The following FHIP1A variants were observed in gnomAD, a reference collection of about 807,000 sequenced individuals.
The protein encoded by FHIP1A is FHF complex subunit HOOK interacting protein 1A.
In FHIP1A, 61 loss-of-function variants were observed where a neutral mutation model predicts 88.6. The ratio of observed to expected loss-of-function variants is 0.69; its 90% CI spans 0.56 to 0.85. The LOEUF (loss-of-function observed/expected upper bound fraction) is 0.85. FHIP1A is among the 40% of genes least tolerant of loss of function. The pLI, the probability that FHIP1A is intolerant of heterozygous loss-of-function variation, is 0.00. For synonymous variants in FHIP1A, 478 were observed against 496.0 expected (o/e 0.96, Z 0.48); for missense variants, 1,154 against 1,273.5 (o/e 0.91, Z 1.43).
chr4:151,627,164 G>C (rs1024795734), intron 7 of FHIP1A, among the ~76,000 whole-genome samples: 1 of 152,174 alleles, frequency 6.6e-6, no homozygotes, highest in Non-Finnish European at 1.5e-5. Flanking sequence ...ATGCTTAATG[G>C]ACTTGGGTTT....
chr4:151,565,634 C>T (rs1333066657), intron 3 of FHIP1A, among the ~76,000 whole-genome samples: 1 of 152,038 alleles, frequency 6.6e-6, no homozygotes, highest in African/African-American at 2.4e-5. Flanking sequence ...TAACACCTCC[C>T]CCAAGTTGCA....
chr4:151,444,007 C>T (rs1356586284), intron 1 of FHIP1A, among the ~76,000 whole-genome samples: 1 of 149,266 alleles, frequency 6.7e-6, no homozygotes, highest in East Asian at 1.9e-4. Context: ...ATCCTCTCCC[C>T]ACTCTGTGAT....
chr4:151,613,867 A>G (rs1735415663), intron 7 of FHIP1A, among the ~76,000 whole-genome samples: 2 of 152,202 alleles, frequency 1.3e-5, no homozygotes, highest in African/African-American at 4.8e-5. Flanking sequence ...AGATATTCTT[A>G]AAAATGTTTT....
intron 3 of FHIP1A, among the ~76,000 whole-genome samples, chr4:151,520,544 G>C (rs1169235255): frequency 1.3e-5 from 2 of 152,162 alleles, no homozygotes; most frequent in African/African-American, 2.4e-5. Flanking sequence ...AAACTGTACT[G>C]TGATGTATAT....
chr4:151,659,787 T>A (rs1227340573), intron 13 of FHIP1A, among the ~76,000 whole-genome samples: 1 of 152,198 alleles, frequency 6.6e-6, no homozygotes, highest in African/African-American at 2.4e-5. Context: ...GCAGCCCCGA[T>A]GAAAAACGAG....
At chr4:151,606,146 C>G (rs974458565) in intron 7 of FHIP1A, among the ~76,000 whole-genome samples, 1 of 152,146 alleles carries the variant, frequency 6.6e-6, no homozygotes, top group African/African-American at 2.4e-5. Context: ...TTCTCCTGTC[C>G]GTTCTTCCTC....
intron 1 of FHIP1A, among the ~76,000 whole-genome samples, chr4:151,435,715 G>C (rs990430328): frequency 5.9e-5 from 9 of 151,786 alleles, no homozygotes; most frequent in Non-Finnish European, 1.0e-4. Context: ...AACCCAGGAG[G>C]CTGAGGTTAC....
intron 1 of FHIP1A, among the ~76,000 whole-genome samples, chr4:151,410,961 G>T (rs901932362): frequency 2.6e-5 from 4 of 152,220 alleles, no homozygotes; most frequent in Admixed American, 2.6e-4. Flanking sequence ...AGGGTGGCTG[G>T]AAAGGGGCAG....
intron 3 of FHIP1A, among the ~76,000 whole-genome samples, chr4:151,494,005 A>C (rs1336461071): frequency 2.6e-5 from 4 of 152,250 alleles, no homozygotes; most frequent in African/African-American, 9.6e-5. Context: ...AATAAAGGGC[A>C]TCCAAATTGG....
intron 3 of FHIP1A, among the ~76,000 whole-genome samples, chr4:151,549,830 A>G (rs996095332): frequency 1.3e-5 from 2 of 152,144 alleles, no homozygotes; most frequent in East Asian, 1.9e-4. Context: ...TACATGTAGT[A>G]TGGGACACAT....
At chr4:151,552,286 G>T (rs942311707) in intron 3 of FHIP1A, among the ~76,000 whole-genome samples, 1 of 152,174 alleles carries the variant, frequency 6.6e-6, no homozygotes, top group Non-Finnish European at 1.5e-5. Context: ...CAGGGATCTA[G>T]AACTAGAAAT....
intron 7 of FHIP1A, among the ~76,000 whole-genome samples, chr4:151,595,401 T>C (rs1734608252): frequency 6.6e-6 from 1 of 152,200 alleles, no homozygotes; most frequent in African/African-American, 2.4e-5. Context: ...GAGACTGTTA[T>C]GATTTCCGTT....
chr4:151,478,814 G>A (rs180787889), intron 2 of FHIP1A, among the ~76,000 whole-genome samples: 4 of 151,910 alleles, frequency 2.6e-5, no homozygotes, highest in African/African-American at 9.6e-5. Flanking sequence ...TGTCACATTG[G>A]GAAACATCAC....
In FHIP1A at chr4:151,578,094, G is replaced by T; in HGVS notation, c.732+18G>T. ...TTTGTCCAGTAAGTCTCTTTCCTTG[G>T]CATGTTTTCCACTCACTCCCTTTTT... On this transcript the variant is annotated intron_variant, in intron 5 of 13. Coordinates refer to ENST00000435205, the MANE Select transcript of FHIP1A (RefSeq NM_001109977.3). The T allele has an allele frequency of 3.2e-6, 5 of 1,540,476 alleles. No individual in the cohort carries two copies. The highest frequency in any genetic ancestry group is 4.4e-6 in the Non-Finnish European group (5 of 1,141,750).
intron 2 of FHIP1A, among the ~76,000 whole-genome samples, chr4:151,482,263 G>A (rs1729921810): frequency 6.6e-6 from 1 of 151,864 alleles, no homozygotes. Context: ...ATAATTGTTT[G>A]ACATCTCTTA....
intron 7 of FHIP1A, among the ~76,000 whole-genome samples, chr4:151,591,628 G>A (rs565484371): frequency 6.6e-6 from 1 of 152,006 alleles, no homozygotes; most frequent in Non-Finnish European, 1.5e-5. Flanking sequence ...GACAGGCCCC[G>A]GTGTGTGATG....
chr4:151,466,842 A>G (rs1389156607), intron 2 of FHIP1A, among the ~76,000 whole-genome samples: 1 of 152,248 alleles, frequency 6.6e-6, no homozygotes, highest in Non-Finnish European at 1.5e-5. Flanking sequence ...AAGATGGATT[A>G]AAGACTTAAA....
intron 3 of FHIP1A, among the ~76,000 whole-genome samples, chr4:151,543,670 G>T (rs1732381247): frequency 6.6e-6 from 1 of 152,032 alleles, no homozygotes; most frequent in Non-Finnish European, 1.5e-5. Context: ...ATATAATTTT[G>T]CATCTTGCTT....
intron 11 of FHIP1A, among the ~76,000 whole-genome samples, chr4:151,650,888 A>T (rs1177160580): frequency 2.0e-5 from 3 of 152,230 alleles, no homozygotes; most frequent in Non-Finnish European, 4.4e-5. Flanking sequence ...CAGACGTCTT[A>T]TTTAATGACT....
Sources: gnomAD v4.1 joint callset for allele counts (sites outside exome capture counted in the v4.1 genomes callset) on GRCh38, gnomAD v4.1.1 for gene constraint, MANE v1.5 for transcripts, NCBI Gene and HGNC (gene_info 2026-07-23, HGNC 2026-07-21) for gene names.